Variants in CPVL observed in about 807,000 individuals in gnomAD.
CPVL encodes the protein probable serine carboxypeptidase CPVL.
A neutral mutation model predicts 63.7 loss-of-function variants in CPVL; 51 were observed. The ratio of observed to expected loss-of-function variants is 0.80; its 90% CI spans 0.64 to 1.01. CPVL has a LOEUF of 1.01. CPVL is among the 50% of genes least tolerant of loss of function. CPVL has a pLI of 0.00. For synonymous variants in CPVL, 195 were observed against 206.0 expected, an observed-to-expected ratio of 0.95 and a Z score of 0.46; for missense variants, 530 against 573.1, an observed-to-expected ratio of 0.92 and a Z score of 0.77.
chr7:29,080,271 A>T (rs531658580), intron 7 of CPVL: 1 of 152,346 alleles, frequency 6.6e-6, no homozygotes, highest in East Asian at 1.9e-4. Context: ...TTTTAAAAAA[A>T]GAAAGGGGCT....
intron 11 of CPVL, among the ~76,000 whole-genome samples, chr7:29,043,396 GT>G (rs1335513957): frequency 6.6e-6 from 1 of 152,138 alleles, no homozygotes; most frequent in Admixed American, 6.5e-5. Flanking sequence ...TTTTGGTGTT[GT>G]TTTTCTTCCA....
chr7:29,024,284 C>G (rs901146830), intron 12 of CPVL, among the ~76,000 whole-genome samples: 1 of 151,936 alleles, frequency 6.6e-6, no homozygotes, highest in African/African-American at 2.4e-5. Flanking sequence ...ATAACTCAGA[C>G]AAAAAAGTAC....
chr7:29,042,681 T>C (rs161048), intron 11 of CPVL, among the ~76,000 whole-genome samples: 127,692 of 151,796 alleles, frequency 0.84, 54,415 homozygotes, highest in African/African-American at 0.96. Flanking sequence ...TTAAGGATTA[T>C]GAAGAAAGGG....
chr7:29,128,190 T>TG (rs1228122244), intron 1 of CPVL: 2 of 148,438 alleles, frequency 1.3e-5, no homozygotes, highest in African/African-American at 5.0e-5. Flanking sequence ...TTTTTTTTTT[T>TG]TTTTTTTTTT....
intron 5 of CPVL, among the ~76,000 whole-genome samples, chr7:29,177,596 C>G (rs1362424456): frequency 6.6e-6 from 1 of 151,366 alleles, no homozygotes; most frequent in Non-Finnish European, 1.5e-5. Flanking sequence ...TTCCTCTGTC[C>G]CCTCATTTTT....
chr7:29,188,070 G>A (rs1798938025), intron 1 of CPVL, among the ~76,000 whole-genome samples: 3 of 152,146 alleles, frequency 2.0e-5, no homozygotes, highest in African/African-American at 2.4e-5. Flanking sequence ...GGGGGTGGTA[G>A]GGAGAGATGA....
At chr7:29,171,513 A>G (rs141582202) in intron 5 of CPVL, among the ~76,000 whole-genome samples, 2 of 152,198 alleles carry the variant, frequency 1.3e-5, no homozygotes, top group East Asian at 3.9e-4. Context: ...ATCCTCCTCA[A>G]TTCAGCCCCG....
chr7:29,116,958 A>C (rs1024887341), intron 2 of CPVL, among the ~76,000 whole-genome samples: 3 of 152,218 alleles, frequency 2.0e-5, no homozygotes, highest in Non-Finnish European at 4.4e-5. Context: ...AGACTCGATA[A>C]ACAAAAGGGA....
intron 12 of CPVL, among the ~76,000 whole-genome samples, chr7:29,005,304 A>AT (rs1341873439): frequency 2.0e-5 from 3 of 152,116 alleles, no homozygotes; most frequent in African/African-American, 7.2e-5. Context: ...CAAACAGAGT[A>AT]TTTTTTTCCC....
chr7:29,112,780 A>T lies in CPVL; in HGVS notation c.212T>A (p.Met71Lys), dbSNP rs202185102. The change falls in exon 3 of 13, where the codon ATG becomes AAG. Residue 71 changes from methionine to lysine, a missense_variant. Coordinates refer to ENST00000265394, the MANE Select transcript of CPVL (RefSeq NM_031311.5). ...SLVGPFPGLN[M>K]KSYAGFLTVN... is the part of the protein sequence containing the mutation. ...GGTGAGGAAGCCGGCATAACTCTTC[A>T]TGTTCAGTCCTGGGAAAGGGCCGAC... The T allele has an allele frequency of 1.2e-6, 2 of 1,613,742 alleles. No homozygotes were observed. The highest frequency in any genetic ancestry group is 3.3e-5 in the Admixed American group (2 of 59,976).
intron 9 of CPVL, 78 bp from the exon 10 acceptor site, chr7:29,066,199 TC>T: frequency 5.1e-6 from 4 of 782,760 alleles, no homozygotes; most frequent in Non-Finnish European, 8.6e-6. Context: ...ATTTGTCATT[TC>T]ATTTATTCAA....
At chr7:29,088,140 G>A (rs1785397926) in intron 6 of CPVL, among the ~76,000 whole-genome samples, 2 of 152,180 alleles carry the variant, frequency 1.3e-5, no homozygotes, top group Admixed American at 1.3e-4. Context: ...ATTTGCTGGA[G>A]AGTCATTAGG....
chr7:29,159,961 C>A (rs1562800491), intron 5 of CPVL, among the ~76,000 whole-genome samples: 1 of 152,170 alleles, frequency 6.6e-6, no homozygotes, highest in Non-Finnish European at 1.5e-5. Context: ...CCCATGGGTG[C>A]ACGTCATTTT....
At chr7:29,175,622 C>T (rs1249021076) in intron 5 of CPVL, among the ~76,000 whole-genome samples, 1 of 152,102 alleles carries the variant, frequency 6.6e-6, no homozygotes, top group Non-Finnish European at 1.5e-5. Context: ...TTCCTCTTAT[C>T]TTTGTAGATT....
chr7:29,068,075 G>A (rs1204991209), intron 9 of CPVL, among the ~76,000 whole-genome samples: 2 of 150,694 alleles, frequency 1.3e-5, no homozygotes, highest in Non-Finnish European at 2.9e-5. Flanking sequence ...TGAGATCTCA[G>A]CTCACTGCAA....
At chr7:29,030,401 C>T (rs1219054859) in intron 12 of CPVL, among the ~76,000 whole-genome samples, 176 bp downstream of exon 12, 1 of 152,054 alleles carries the variant, frequency 6.6e-6, no homozygotes, top group East Asian at 1.9e-4. Flanking sequence ...ATATTTAGTC[C>T]TATGTATGTC....
At chr7:29,029,071 C>G (rs1188085742) in intron 12 of CPVL, among the ~76,000 whole-genome samples, 2 of 151,608 alleles carry the variant, frequency 1.3e-5, no homozygotes, top group African/African-American at 2.4e-5. Flanking sequence ...CATCACTAAT[C>G]ATCAGGGAAA....
chr7:29,192,184 T>G (rs956868193), intron 1 of CPVL: 21 of 152,402 alleles, frequency 1.4e-4, no homozygotes, highest in Admixed American at 3.3e-4. Flanking sequence ...TTTGTTGGCC[T>G]TGTATTCCTC....
chr7:29,067,444 G>A (rs1185830336), intron 9 of CPVL, among the ~76,000 whole-genome samples: 1 of 152,092 alleles, frequency 6.6e-6, no homozygotes, highest in Non-Finnish European at 1.5e-5. Flanking sequence ...GAGGAGGCAG[G>A]GAACATGATC....
Sources: allele counts gnomAD v4.1 joint callset (sites outside exome capture counted in the v4.1 genomes callset), GRCh38; gene constraint gnomAD v4.1.1; transcripts MANE v1.5; gene names NCBI Gene and HGNC (gene_info 2026-07-23, HGNC 2026-07-21).